Variants in COMMD10 observed in about 807,000 individuals in gnomAD.
The protein encoded by COMMD10 is COMM domain-containing protein 10.
A neutral mutation model predicts 28.9 loss-of-function variants in COMMD10; 33 were observed. The ratio of observed to expected loss-of-function variants is 1.14; its 90% CI spans 0.87 to 1.53. The LOEUF is 1.53. COMMD10 is among the 40% of genes most tolerant of loss of function. The pLI is 0.00. For missense variants in COMMD10, 310 were observed against 233.4 expected, an observed-to-expected ratio of 1.33 and a Z score of -2.14; for synonymous variants, 110 against 81.7, an observed-to-expected ratio of 1.35 and a Z score of -1.87.
At chr5:116,251,226 A>G (rs549845001) in intron 5 of COMMD10, among the ~76,000 whole-genome samples, 1 of 151,058 alleles carries the variant, frequency 6.6e-6, no homozygotes, top group Non-Finnish European at 1.5e-5. Context: ...TTTGTTCCCC[A>G]TTACACAGAT....
intron 4 of COMMD10, among the ~76,000 whole-genome samples, chr5:116,100,463 C>T (rs1226650385): frequency 1.4e-5 from 2 of 147,228 alleles, no homozygotes; most frequent in Non-Finnish European, 3.0e-5. Context: ...TCATTTAAGT[C>T]TTTAATTCAT....
intron 5 of COMMD10, among the ~76,000 whole-genome samples, chr5:116,280,206 T>C (rs1198922759): frequency 6.6e-6 from 1 of 151,902 alleles, no homozygotes; most frequent in Non-Finnish European, 1.5e-5. Flanking sequence ...CTAGTTTAAC[T>C]TGCATACATA....
intron 5 of COMMD10, among the ~76,000 whole-genome samples, chr5:116,215,136 T>C (rs1319378075): frequency 6.6e-6 from 1 of 152,094 alleles, no homozygotes; most frequent in Non-Finnish European, 1.5e-5. Flanking sequence ...ATAATAATTA[T>C]ACTTTTGGTA....
intron 5 of COMMD10, among the ~76,000 whole-genome samples, chr5:116,228,235 C>G (rs138534852): frequency 6.6e-6 from 1 of 151,984 alleles, no homozygotes; most frequent in African/African-American, 2.4e-5. Context: ...AAATAAACTT[C>G]TAATTCCCCT....
At chr5:116,190,426 A>G (rs1748325517) in intron 5 of COMMD10, among the ~76,000 whole-genome samples, 1 of 152,230 alleles carries the variant, frequency 6.6e-6, no homozygotes, top group South Asian at 2.1e-4. Context: ...AATGCAACTA[A>G]GTGGTACACA....
intron 5 of COMMD10, among the ~76,000 whole-genome samples, chr5:116,139,431 A>G (rs1046714376): frequency 1.3e-5 from 2 of 151,724 alleles, no homozygotes; most frequent in African/African-American, 2.4e-5. Flanking sequence ...CCTCAGATCT[A>G]TTTAGGATAG....
At chr5:116,197,011 A>G (rs572316927) in intron 5 of COMMD10, among the ~76,000 whole-genome samples, 1 of 152,264 alleles carries the variant, frequency 6.6e-6, no homozygotes, top group Admixed American at 6.5e-5. Flanking sequence ...TTTTCTTTTT[A>G]CAGATTTTCA....
chr5:116,270,366 T>C (rs967792956), intron 5 of COMMD10, among the ~76,000 whole-genome samples: 3 of 151,944 alleles, frequency 2.0e-5, no homozygotes, highest in Non-Finnish European at 4.4e-5. Flanking sequence ...GACCAGTTTA[T>C]AGAAAGCTTT....
chr5:116,091,858 G>C (rs1021705946), intron 3 of COMMD10, among the ~76,000 whole-genome samples: 2 of 152,138 alleles, frequency 1.3e-5, no homozygotes, highest in Admixed American at 6.5e-5. Context: ...TAATACTTGT[G>C]AAATAAAAGT....
intron 5 of COMMD10, among the ~76,000 whole-genome samples, chr5:116,218,629 A>C (rs954108112): frequency 3.9e-5 from 6 of 152,136 alleles, no homozygotes; most frequent in Non-Finnish European, 5.9e-5. Flanking sequence ...GAGCTTCCCT[A>C]TTCCCTGTTT....
intron 1 of COMMD10, chr5:116,085,642 TTTAG>T (rs1750069144): frequency 6.6e-6 from 1 of 152,370 alleles, no homozygotes; most frequent in South Asian, 2.1e-4. Flanking sequence ...TAAACAGATT[TTTAG>T]TTAATTTCTA....
Position 116,198,501 on chromosome 5 carries a change from T to C in COMMD10, c.510+64323T>C, listed in dbSNP as rs1028912785. Among the ~76,000 whole-genome samples the C allele has an allele frequency of 6.6e-5, 10 of 152,300 alleles. No homozygotes were observed. The South Asian group carries it at 2.1e-3, about 32-fold the overall frequency. ...ATCCCCTATTAGAGTGATATGTTTG[T>C]CACAATAGATGAACCTATATGATTA... On this transcript the variant is annotated intron_variant, in intron 5 of 6. Coordinates refer to ENST00000274458, the MANE Select transcript of COMMD10 (RefSeq NM_016144.4).
chr5:116,280,058 T>C (rs62384460), intron 5 of COMMD10, among the ~76,000 whole-genome samples: 27 of 151,938 alleles, frequency 1.8e-4, no homozygotes, highest in Admixed American at 2.0e-4. Context: ...CAATGACATG[T>C]TTCACTTTTA....
intron 5 of COMMD10, among the ~76,000 whole-genome samples, chr5:116,146,260 T>C (rs1480234413): frequency 1.3e-5 from 2 of 151,860 alleles, no homozygotes; most frequent in Admixed American, 6.6e-5. Context: ...TGGCTACTCG[T>C]TGATCTCTTG....
chr5:116,292,515 C>T lies in COMMD10; in HGVS notation c.*26C>T, dbSNP rs1238355668. 1.3e-6 allele frequency: 2 copies of T among 1,564,502 alleles called. No homozygotes were observed. The highest frequency in any genetic ancestry group is 1.8e-5 in the Admixed American group (1 of 56,880). On this transcript the variant is annotated 3_prime_UTR_variant, in exon 7 of 7. Coordinates refer to ENST00000274458, the MANE Select transcript of COMMD10 (RefSeq NM_016144.4). ...TGTTTTCGAAGACTGTTTTTTTCAT[C>T]ACGCTCCTGCCACCTCATTATTTTG...
intron 5 of COMMD10, among the ~76,000 whole-genome samples, chr5:116,273,205 G>A (rs375343744): frequency 6.6e-6 from 1 of 151,754 alleles, no homozygotes; most frequent in Non-Finnish European, 1.5e-5. Flanking sequence ...TAAAAAGTTA[G>A]TATATTTTGG....
Position 116,240,887 on chromosome 5 carries a change from C to A in COMMD10, c.511-50630C>A, listed in dbSNP as rs536040333. 9.9e-5 allele frequency among the ~76,000 whole-genome samples: 15 copies of A among 152,276 alleles called. No homozygotes were observed. The South Asian group carries it at 2.9e-3, about 29-fold the overall frequency. ...AACTATTTATAAACTGCTGGCTCCT[C>A]AAAATGTAAATAAAGAAAAATTATT... On this transcript the variant is annotated intron_variant, in intron 5 of 6. Coordinates refer to ENST00000274458, the MANE Select transcript of COMMD10 (RefSeq NM_016144.4).
At chr5:116,243,753 C>G (rs1189441876) in intron 5 of COMMD10, among the ~76,000 whole-genome samples, 3 of 152,096 alleles carry the variant, frequency 2.0e-5, no homozygotes, top group East Asian at 3.9e-4. Flanking sequence ...TCAGCTTGAC[C>G]TTATTTCAGA....
chr5:116,222,313 AT>A (rs1749280301), intron 5 of COMMD10, among the ~76,000 whole-genome samples: 1 of 152,248 alleles, frequency 6.6e-6, no homozygotes, highest in South Asian at 2.1e-4. Flanking sequence ...TTAAATTTTA[AT>A]ATTTTAATTT....
Sources: allele counts gnomAD v4.1 joint callset (sites outside exome capture counted in the v4.1 genomes callset), GRCh38; gene constraint gnomAD v4.1.1; transcripts MANE v1.5; gene names NCBI Gene and HGNC (gene_info 2026-07-23, HGNC 2026-07-21).